MROH2B: variants seen among roughly 807,000 people sequenced by gnomAD.
MROH2B encodes the protein maestro heat-like repeat-containing protein family member 2B.
A neutral mutation model predicts 208.6 loss-of-function variants in MROH2B; 177 were observed. The observed-to-expected ratio is 0.85, with a 90% CI of 0.75 to 0.96. The LOEUF (loss-of-function observed/expected upper bound fraction) is 0.96, where lower values mean the gene tolerates loss of function less well. Among genes scored for constraint, MROH2B ranks in the 40% least tolerant of loss-of-function variants. The probability of loss-of-function intolerance (pLI) is 0.00; values close to 1 mark genes in which losing one functional copy is unlikely to be tolerated. For synonymous variants in MROH2B, 728 were observed against 659.0 expected, an observed-to-expected ratio of 1.10 and a Z score of -1.60; for missense variants, 2,002 against 1,878.7, an observed-to-expected ratio of 1.07 and a Z score of -1.21.
intron 6 of MROH2B, among the ~76,000 whole-genome samples, 172 bp downstream of exon 6, chr5:41,061,394 TAATA>T (rs957405632): frequency 6.6e-6 from 1 of 151,966 alleles, no homozygotes; most frequent in Non-Finnish European, 1.5e-5. Flanking sequence ...TTAACTGAAA[TAATA>T]AATAAATAGG....
At chr5:41,005,324 G>T in intron 35 of MROH2B, 1 of 555,134 alleles carries the variant, frequency 1.8e-6, no homozygotes, top group Non-Finnish European at 3.2e-6. Context: ...AAACTAGAGG[G>T]CAGGAGGTGG....
chr5:41,058,382 A>G (rs1466348736), intron 6 of MROH2B, among the ~76,000 whole-genome samples, 179 bp from the exon 7 acceptor site: 1 of 152,206 alleles, frequency 6.6e-6, no homozygotes, highest in African/African-American at 2.4e-5. Flanking sequence ...ATTGCATGGG[A>G]CAGAGCTATA....
chr5:41,018,669 T>C, intron 26 of MROH2B, 22 bp downstream of exon 26: 1 of 1,609,936 alleles, frequency 6.2e-7, no homozygotes, highest in African/African-American at 1.3e-5. Flanking sequence ...TGAGAATCAG[T>C]TTGAGTGGAG....
At chr5:41,051,499 C>G (rs1245331600) in intron 12 of MROH2B, 1 of 153,278 alleles carries the variant, frequency 6.5e-6, no homozygotes, top group African/African-American at 2.4e-5. Flanking sequence ...CAAAAGAAAG[C>G]TGACCTCAAT....
Position 41,051,007 on chromosome 5 carries a change from G to C in MROH2B, c.1314C>G (p.Thr438=), listed in dbSNP as rs776148757. The C allele has an allele frequency of 9.6e-6, 15 of 1,569,174 alleles. No individual in the cohort carries two copies. Among genetic ancestry groups the C allele is most frequent in the Non-Finnish European group, 1.3e-5 (15 of 1,162,732 alleles). The part of the protein sequence containing the change: ...VRETSLEVLK[T]LDPLVIGMPQ... ...GCATTCCAATGACCAGTGGGTCCAG[G>C]GTTTTTAAGACCTCAAGGCTTGTTT... The change falls in exon 13 of 42, where the codon ACC becomes ACG. Residue 438 remains threonine, a synonymous_variant. Coordinates refer to ENST00000399564, the MANE Select transcript of MROH2B (RefSeq NM_173489.5).
intron 28 of MROH2B, among the ~76,000 whole-genome samples, chr5:41,015,758 T>A (rs1224070549): frequency 6.6e-6 from 1 of 152,214 alleles, no homozygotes; most frequent in Admixed American, 6.5e-5. Flanking sequence ...GTGAAGACAT[T>A]GCCCAAGGCA....
intron 3 of MROH2B, among the ~76,000 whole-genome samples, chr5:41,066,527 G>A (rs562402150): frequency 6.6e-6 from 1 of 152,150 alleles, no homozygotes; most frequent in South Asian, 2.1e-4. Context: ...CCAAAGGGCT[G>A]TGTTCAAATG....
chr5:41,020,563 G>A (rs1742112210), intron 24 of MROH2B, among the ~76,000 whole-genome samples: 1 of 152,112 alleles, frequency 6.6e-6, no homozygotes, highest in South Asian at 2.1e-4. Flanking sequence ...TTACAACCTA[G>A]TTCACTGACT....
rs769110119 is a variant in MROH2B, at chr5:41,017,963, T to G, written c.2771A>C (p.Glu924Ala). ...KVLTNDIEAP[E>A]NFKIGSLLGL... ...AAGCAGTGAACCAATTTTAAAGTTC[T>G]CTGGTGCCTGCAGGATAAAGGAGGC... Residue 924 changes from glutamate to alanine, a missense_variant, in exon 28 of 42, where the codon GAG becomes GCG. Glu to Ala is a moderately radical substitution (Grantham distance 107). Coordinates refer to ENST00000399564, the MANE Select transcript of MROH2B (RefSeq NM_173489.5). 1 of 1,573,644 alleles carries G rather than the reference T, an allele frequency of 6.4e-7. No individual in the cohort carries two copies. The highest frequency in any genetic ancestry group is 1.3e-5 in the African/African-American group (1 of 74,242).
Position 41,033,155 on chromosome 5 carries a change from C to T in MROH2B, c.2247G>A (p.Met749Ile), listed in dbSNP as rs924613200. 1.9e-6 allele frequency: 3 copies of T among 1,612,494 alleles called. No individual in the cohort carries two copies. Among genetic ancestry groups the T allele is most frequent in the South Asian group, 2.2e-5 (2 of 91,064 alleles). ...TTCTTGTGAAACTCATTTGCAGATCCATGTCCTAAAGCAAAAGCATTTACA... is the reference window on the plus strand; with the variant it reads ...TTCTTGTGAAACTCATTTGCAGATCTATGTCCTAAAGCAAAAGCATTTACA... The part of the protein sequence containing the change: ...VLGMSVMNKD[M>I]DLQMSFTRSI... Residue 749 changes from methionine to isoleucine, a missense_variant, in exon 23 of 42, where the codon ATG (methionine) becomes ATA (isoleucine). Coordinates refer to ENST00000399564, the MANE Select transcript of MROH2B (RefSeq NM_173489.5).
chr5:41,069,373 C>G (rs942892875), intron 2 of MROH2B, among the ~76,000 whole-genome samples: 9 of 151,918 alleles, frequency 5.9e-5, no homozygotes, highest in East Asian at 3.9e-4. Context: ...TTGTAACAAC[C>G]CTCAAATTAT....
At chr5:41,042,556 T>C (rs991142742) in intron 18 of MROH2B, among the ~76,000 whole-genome samples, 4 of 152,182 alleles carry the variant, frequency 2.6e-5, no homozygotes, top group Admixed American at 2.0e-4. Flanking sequence ...TGTTAATATG[T>C]GCTCAACAAA....
intron 2 of MROH2B, among the ~76,000 whole-genome samples, chr5:41,069,384 A>G (rs1374921850): frequency 6.6e-6 from 1 of 152,194 alleles, no homozygotes; most frequent in Non-Finnish European, 1.5e-5. Flanking sequence ...CTCAAATTAT[A>G]AAAGAAACAG....
rs1273973574 is a variant in MROH2B at position 41,067,207 on chromosome 5, G to A, written c.102C>T (p.Tyr34=). The part of the protein sequence containing the change: ...KEDIVNKEDI[Y]SHLTSVIQNT... Reference sequence around the variant, plus strand: ...TCTGAATAACAGAAGTGAGATGACTGTAAATGTCTTCCTGTGAATATACAA... The same window carrying A: ...TCTGAATAACAGAAGTGAGATGACTATAAATGTCTTCCTGTGAATATACAA... The change falls in exon 3 of 42, where the codon TAC becomes TAT. Residue 34 remains tyrosine, a synonymous_variant. Transcript: ENST00000399564. The A allele has an allele frequency of 1.3e-6, 2 of 1,546,756 alleles. No individual in the cohort carries two copies. The highest frequency in any genetic ancestry group is 1.7e-4 in the Middle Eastern group (1 of 5,930).
In MROH2B at chr5:41,009,918, C is replaced by A. The variant is rs768380373; in HGVS notation, c.3293+4G>T. ...GAGAAGGAATCAGTTCAATAAGGATCTACCTGTCAAAAGGCAGAGGCTTCT... is the reference window on the plus strand; with the variant it reads ...GAGAAGGAATCAGTTCAATAAGGATATACCTGTCAAAAGGCAGAGGCTTCT... On this transcript the variant is annotated splice_donor_region_variant and intron_variant, in intron 31 of 41. Transcript: ENST00000399564. 5.6e-6 allele frequency: 9 copies of A among 1,612,990 alleles called. No individual in the cohort carries two copies. The South Asian group carries it at 8.8e-5, about 16-fold the overall frequency.
Position 41,026,137 on chromosome 5 carries a change from G to A in MROH2B, c.2441+6605C>T, listed in dbSNP as rs113482630. Among the ~76,000 whole-genome samples the A allele has an allele frequency of 5.2e-3, 786 of 152,250 alleles. 10 individuals carry two copies. Among genetic ancestry groups the A allele is most frequent in the African/African-American group, 0.017 (726 of 41,524 alleles). ...TTGAAAAGTGGCACAAGACAGGGAT[G>A]CCTTCTCTCACCACTCCTATTCAAC... On this transcript the variant is annotated intron_variant, in intron 24 of 41. Transcript: ENST00000399564.
chr5:41,066,218 G>A (rs1033220854), intron 3 of MROH2B, among the ~76,000 whole-genome samples: 1 of 152,152 alleles, frequency 6.6e-6, no homozygotes, highest in African/African-American at 2.4e-5. Flanking sequence ...TGGTGGTATT[G>A]GGAAAGATTT....
chr5:41,041,442 C>A lies in MROH2B; in HGVS notation c.1953+650G>T, dbSNP rs185747920. ...AGGAGTTCGAGACCAGCCTGGCCAA[C>A]ATGGCGAAACCCTATCTACTAAAAA... On this transcript the variant is annotated intron_variant, in intron 19 of 41. Transcript: ENST00000399564. Among the ~76,000 whole-genome samples, 25 of 152,278 alleles carry A rather than the reference C, an allele frequency of 1.6e-4. 1 individual carries two copies. In the East Asian group the frequency reaches 4.8e-3, roughly 29 times the overall value.
rs189211166 is a variant in MROH2B at position 41,025,320 on chromosome 5, C to T, written c.2442-6302G>A. On this transcript the variant is annotated intron_variant, in intron 24 of 41. Coordinates refer to ENST00000399564, the MANE Select transcript of MROH2B (RefSeq NM_173489.5). The stretch of plus-strand genomic sequence containing the variant: ...AATAAAGAAGAAAAGAGAGAGGAAT[C>T]AAACAGACACAATAAAAAATGATAA... Among the ~76,000 whole-genome samples the T allele has an allele frequency of 3.7e-3, 556 of 152,020 alleles. 4 individuals carry two copies. Among genetic ancestry groups the T allele is most frequent in the East Asian group, 0.029 (150 of 5,168 alleles).
Sources: allele counts gnomAD v4.1 joint callset (sites outside exome capture counted in the v4.1 genomes callset), GRCh38; gene constraint gnomAD v4.1.1; transcripts MANE v1.5; gene names NCBI Gene and HGNC (gene_info 2026-07-23, HGNC 2026-07-21).